Variants in SENP2 observed in about 807,000 individuals in gnomAD.
The protein encoded by SENP2 is sentrin-specific protease 2.
In SENP2, 16 loss-of-function variants were observed where a neutral mutation model predicts 86.3. The ratio of observed to expected loss-of-function variants is 0.19; its 90% CI spans 0.13 to 0.28. SENP2 has a LOEUF of 0.28. SENP2 is among the 10% of genes least tolerant of loss of function. The pLI, the probability that SENP2 is intolerant of heterozygous loss-of-function variation, is 1.00. For missense variants in SENP2, 552 were observed against 703.0 expected, an observed-to-expected ratio of 0.79 and a Z score of 2.43; for synonymous variants, 222 against 238.7, an observed-to-expected ratio of 0.93 and a Z score of 0.64.
intron 13 of SENP2, among the ~76,000 whole-genome samples, chr3:185,620,858 G>A (rs909659649): frequency 6.6e-6 from 1 of 151,850 alleles, no homozygotes; most frequent in African/African-American, 2.4e-5. Context: ...CATTTATAAG[G>A]CCAGGTGTGG....
chr3:185,598,450 G>C lies in SENP2; in HGVS notation c.196G>C (p.Ala66Pro). 6.2e-7 allele frequency: 1 copy of C among 1,614,044 alleles called. No homozygotes were observed. The highest frequency in any genetic ancestry group is 1.1e-5 in the South Asian group (1 of 91,084). Residue 66 changes from alanine (A) to proline (P), a missense_variant, in exon 3 of 17, where the codon GCT becomes CCT. Ala to Pro is a conservative substitution (Grantham distance 27). Transcript: ENST00000296257. ...IHQVKNSLYN[A>P]ASLFGFPFQL... ...CCAAGTGAAAAACAGTCTCTACAAT[G>C]CTGCCAGCTTATTTGGATTCCCATT...
At position 185,613,421 on chromosome 3, in the gene SENP2, C is replaced by G. The variant is rs534818367; in HGVS notation, c.933+13C>G. 6.5e-7 allele frequency: 1 copy of G among 1,536,662 alleles called. No homozygotes were observed. Among genetic ancestry groups the G allele is most frequent in the Non-Finnish European group, 9.0e-7 (1 of 1,113,152 alleles). On this transcript the variant is annotated intron_variant, in intron 10 of 16. Transcript: ENST00000296257. ...TGAAAATGAAAGTGTAAGTAAAAAT[C>G]CTAGTTACATTTGATACCTGTTTAC...
Position 185,586,634 on chromosome 3 carries a change from T to C in SENP2, c.101+120T>C. 2 of 902,828 alleles carry C rather than the reference T, an allele frequency of 2.2e-6. No homozygotes were observed. Among genetic ancestry groups the C allele is most frequent in the Non-Finnish European group, 3.4e-6 (2 of 583,696 alleles). 55.9% of individuals were successfully genotyped at this position (902,828 alleles called of 1,614,324 possible). A position where few individuals can be genotyped will look rare whatever the true frequency, so the allele number is the denominator to read the frequency against. On this transcript the variant is annotated intron_variant, in intron 1 of 16. Coordinates refer to ENST00000296257, the MANE Select transcript of SENP2 (RefSeq NM_021627.3). This position sits in a 1 kb window ranked among gnomAD's most constrained non-coding sequence, Gnocchi z 4.3. ...CCGAAACAGGTCGCCGGGATCCTAG[T>C]GACGTAGTCGCTCCCGCCAGGCTGT...
chr3:185,618,915 A>G (rs916568247), intron 12 of SENP2, among the ~76,000 whole-genome samples: 5 of 152,152 alleles, frequency 3.3e-5, no homozygotes, highest in Non-Finnish European at 7.4e-5. Flanking sequence ...TAAATAAAAT[A>G]TTATTTTGGT....
chr3:185,624,787 G>C (rs1300570491), intron 15 of SENP2, among the ~76,000 whole-genome samples: 1 of 150,994 alleles, frequency 6.6e-6, no homozygotes, highest in Non-Finnish European at 1.5e-5. Context: ...AGAATCACTT[G>C]AACCCGGTAG....
chr3:185,605,676 T>C (rs76275277), intron 5 of SENP2, among the ~76,000 whole-genome samples: 1 of 152,060 alleles, frequency 6.6e-6, no homozygotes, highest in Non-Finnish European at 1.5e-5. Context: ...TTTTTTTTTT[T>C]TGAAACACCA....
At chr3:185,592,007 A>ATATATTTTTT (rs1722015953) in intron 2 of SENP2, among the ~76,000 whole-genome samples, 1 of 35,082 alleles carries the variant, frequency 2.9e-5, no homozygotes, top group South Asian at 8.1e-4. Context: ...AACCGGTAAT[A>ATATATTTTTT]TTTCTTTTTT....
At chr3:185,627,749 T>TTGA (rs1343304894) in intron 16 of SENP2, among the ~76,000 whole-genome samples, 1 of 152,186 alleles carries the variant, frequency 6.6e-6, no homozygotes, top group Non-Finnish European at 1.5e-5. Flanking sequence ...GGCTTTGCAT[T>TTGA]TGATTGGAAA....
chr3:185,617,856 AC>A (rs1286832312), intron 12 of SENP2, among the ~76,000 whole-genome samples: 1 of 152,042 alleles, frequency 6.6e-6, no homozygotes, highest in African/African-American at 2.4e-5. Context: ...TCTTCAATAA[AC>A]CCTGGGTACA....
rs1218135794 is a variant in SENP2, at chr3:185,631,243, G to A, written c.*1399G>A. 2 of 152,002 alleles carry A rather than the reference G, an allele frequency of 1.3e-5. No homozygotes were observed. The highest frequency in any genetic ancestry group is 1.3e-4 in the Admixed American group (2 of 15,264). The allele number at this position is 152,002 out of a possible 1,614,324, so 9.4% of individuals were successfully genotyped here. A position where few individuals can be genotyped will look rare whatever the true frequency, so the allele number is the denominator to read the frequency against. ...CACGCCTGCCATTTGCAGTGCTCCGGCTGCTGGTCCCAGAGGTATACTGGT... is the reference window on the plus strand; with the variant it reads ...CACGCCTGCCATTTGCAGTGCTCCGACTGCTGGTCCCAGAGGTATACTGGT... On this transcript the variant is annotated 3_prime_UTR_variant, in exon 17 of 17. Transcript: ENST00000296257.
Position 185,590,109 on chromosome 3 carries a change from T to C in SENP2, c.102-5T>C. 6.7e-7 allele frequency: 1 copy of C among 1,497,710 alleles called. No homozygotes were observed. Among genetic ancestry groups the C allele is most frequent in the Non-Finnish European group, 9.0e-7 (1 of 1,112,950 alleles). 92.8% of individuals were successfully genotyped at this position (1,497,710 alleles called of 1,614,324 possible). On this transcript the variant is annotated splice_region_variant and splice_polypyrimidine_tract_variant and intron_variant, in intron 1 of 16. Coordinates refer to ENST00000296257, the MANE Select transcript of SENP2 (RefSeq NM_021627.3). Reference sequence around the variant, plus strand: ...TATATATATTTTTTTCTTTCTCTTTTTCAGCACTCTGTTTTCTACAGTGGA... The same window carrying C: ...TATATATATTTTTTTCTTTCTCTTTCTCAGCACTCTGTTTTCTACAGTGGA...
intron 2 of SENP2, among the ~76,000 whole-genome samples, chr3:185,597,215 T>C (rs1238863981): frequency 6.6e-6 from 1 of 151,010 alleles, no homozygotes; most frequent in Non-Finnish European, 1.5e-5. Context: ...ACATTTTGAG[T>C]GTGTGTGTGT....
chr3:185,627,396 G>A (rs1355493260), intron 16 of SENP2, among the ~76,000 whole-genome samples: 1 of 152,098 alleles, frequency 6.6e-6, no homozygotes, highest in African/African-American at 2.4e-5. Context: ...TTTCTGTTCT[G>A]CTCTTTTGTG....
At chr3:185,598,704 T>C (rs1722253482) in intron 3 of SENP2, among the ~76,000 whole-genome samples, 159 bp downstream of exon 3, 2 of 152,212 alleles carry the variant, frequency 1.3e-5, no homozygotes, top group Admixed American at 1.3e-4. Flanking sequence ...AATTAAAGGT[T>C]AATAAAATGA....
intron 16 of SENP2, among the ~76,000 whole-genome samples, chr3:185,626,916 A>G (rs1018211634): frequency 6.6e-6 from 1 of 151,666 alleles, no homozygotes; most frequent in African/African-American, 2.4e-5. Context: ...TCTCTACTAA[A>G]AATACAAAAA....
chr3:185,614,771 G>A (rs1711543017), intron 11 of SENP2, 31 bp downstream of exon 11: 2 of 1,593,962 alleles, frequency 1.3e-6, no homozygotes, highest in African/African-American at 1.4e-5. Flanking sequence ...CCTAAAAAGA[G>A]GCATGTCTTT....
intron 14 of SENP2, among the ~76,000 whole-genome samples, chr3:185,623,051 AGG>A (rs1711963189): frequency 6.6e-6 from 1 of 151,940 alleles, no homozygotes; most frequent in South Asian, 2.1e-4. Flanking sequence ...TCCCAACCTC[AGG>A]TGATCCGCCC....
At chr3:185,623,728 A>G (rs7646818) in intron 14 of SENP2, among the ~76,000 whole-genome samples, 38,499 of 150,280 alleles carry the variant, frequency 0.26, 5,056 homozygotes, top group Middle Eastern at 0.32. Context: ...TTGGGAGGCT[A>G]AGTCAGGAGA....
chr3:185,622,772 C>T (rs1577743649), intron 14 of SENP2, among the ~76,000 whole-genome samples: 1 of 148,096 alleles, frequency 6.8e-6, no homozygotes, highest in Non-Finnish European at 1.5e-5. Context: ...GTTTGATGTG[C>T]TGCTTATACC....
Sources: allele counts gnomAD v4.1 joint callset (sites outside exome capture counted in the v4.1 genomes callset), GRCh38; gene constraint gnomAD v4.1.1; non-coding constraint Gnocchi (gnomAD v3.1); transcripts MANE v1.5; gene names NCBI Gene and HGNC (gene_info 2026-07-23, HGNC 2026-07-21).